GTF2F2: variants seen among roughly 807,000 people sequenced by gnomAD.
GTF2F2 encodes the protein ATP-dependent helicase GTF2F2.
In GTF2F2, 23 loss-of-function variants were observed where a neutral mutation model predicts 42.2. The observed-to-expected ratio is 0.55, with a 90% CI of 0.39 to 0.77. The LOEUF (loss-of-function observed/expected upper bound fraction) is 0.77, where lower values mean the gene tolerates loss of function less well. Among genes scored for constraint, GTF2F2 ranks in the 30% least tolerant of loss-of-function variants. The pLI, the probability that GTF2F2 is intolerant of heterozygous loss-of-function variation, is 0.00. For synonymous variants in GTF2F2, 105 were observed against 100.8 expected, an observed-to-expected ratio of 1.04 and a Z score of -0.25; for missense variants, 261 against 287.2, an observed-to-expected ratio of 0.91 and a Z score of 0.66.
At chr13:45,250,747 C>T (rs1421702227) in intron 5 of GTF2F2, among the ~76,000 whole-genome samples, 1 of 152,168 alleles carries the variant, frequency 6.6e-6, no homozygotes, top group African/African-American at 2.4e-5. Flanking sequence ...GGAACTTGTG[C>T]TGCACCCCGA....
At chr13:45,127,836 T>C (rs1464430459) in intron 1 of GTF2F2, among the ~76,000 whole-genome samples, 2 of 150,518 alleles carry the variant, frequency 1.3e-5, no homozygotes, top group African/African-American at 2.5e-5. Flanking sequence ...TTTCGCCATG[T>C]TGGCCAGGGT....
intron 2 of GTF2F2, among the ~76,000 whole-genome samples, chr13:45,137,600 C>T (rs965620944): frequency 1.3e-5 from 2 of 152,204 alleles, no homozygotes; most frequent in Admixed American, 6.5e-5. Context: ...GTTGAGTTGA[C>T]ATTAGCAGGG....
chr13:45,180,210 C>G (rs1872082988), intron 4 of GTF2F2, among the ~76,000 whole-genome samples: 1 of 152,050 alleles, frequency 6.6e-6, no homozygotes, highest in Non-Finnish European at 1.5e-5. Flanking sequence ...TTTGTACTTT[C>G]TTCTTGGCTT....
intron 5 of GTF2F2, among the ~76,000 whole-genome samples, chr13:45,232,503 C>T (rs1366030306): frequency 6.6e-6 from 1 of 152,050 alleles, no homozygotes; most frequent in East Asian, 1.9e-4. Context: ...AGTGTGGTGG[C>T]ATGTACCTAT....
intron 2 of GTF2F2, among the ~76,000 whole-genome samples, chr13:45,142,574 G>T (rs964504675): frequency 6.6e-6 from 1 of 152,128 alleles, no homozygotes; most frequent in Non-Finnish European, 1.5e-5. Context: ...TAGGCAACAG[G>T]TCTAGCAGAT....
chr13:45,160,024 T>A (rs886834431), intron 4 of GTF2F2, among the ~76,000 whole-genome samples: 2 of 152,252 alleles, frequency 1.3e-5, no homozygotes, highest in Admixed American at 6.5e-5. Flanking sequence ...TGGGACTTTC[T>A]GAGGCTTTAT....
chr13:45,247,352 T>A (rs992858782), intron 5 of GTF2F2, among the ~76,000 whole-genome samples: 3 of 151,198 alleles, frequency 2.0e-5, no homozygotes, highest in Admixed American at 1.3e-4. Context: ...AAATTAAGCT[T>A]CCTGAATATA....
At chr13:45,171,656 C>A (rs1282175219) in intron 4 of GTF2F2, among the ~76,000 whole-genome samples, 3 of 152,034 alleles carry the variant, frequency 2.0e-5, no homozygotes, top group Non-Finnish European at 4.4e-5. Context: ...TACAATTCAC[C>A]CATTTAAAGT....
At chr13:45,136,517 A>G (rs1869630300) in intron 1 of GTF2F2, among the ~76,000 whole-genome samples, 2 of 152,212 alleles carry the variant, frequency 1.3e-5, no homozygotes, top group African/African-American at 4.8e-5. Flanking sequence ...TATTTGACCT[A>G]TGTTAGTTTT....
At chr13:45,164,602 T>C (rs2038086121) in intron 4 of GTF2F2, among the ~76,000 whole-genome samples, 3 of 152,146 alleles carry the variant, frequency 2.0e-5, no homozygotes, top group Admixed American at 2.0e-4. Flanking sequence ...CATGCACCTG[T>C]AGTCTCAGCT....
chr13:45,251,427 T>A (rs1248239635), intron 5 of GTF2F2, among the ~76,000 whole-genome samples: 2 of 152,178 alleles, frequency 1.3e-5, no homozygotes, highest in African/African-American at 4.8e-5. Context: ...GGTTTTCAAA[T>A]GAACCATCCA....
intron 4 of GTF2F2, among the ~76,000 whole-genome samples, chr13:45,162,720 C>T (rs186037928): frequency 3.3e-5 from 5 of 152,118 alleles, no homozygotes; most frequent in African/African-American, 4.8e-5. Flanking sequence ...TAAAAGAAAC[C>T]GCAGTGTAGG....
chr13:45,203,372 A>G (rs947451827), intron 4 of GTF2F2, among the ~76,000 whole-genome samples: 1 of 151,880 alleles, frequency 6.6e-6, no homozygotes, highest in African/African-American at 2.4e-5. Flanking sequence ...GGCGTGAGCC[A>G]CTGCACCTGG....
chr13:45,132,488 G>C (rs1869413167), intron 1 of GTF2F2, among the ~76,000 whole-genome samples: 1 of 151,584 alleles, frequency 6.6e-6, no homozygotes, highest in Non-Finnish European at 1.5e-5. Context: ...CAATATGGCA[G>C]ATTTCTAAAT....
At chr13:45,174,634 C>CTTTTCTT (rs1456234732) in intron 4 of GTF2F2, among the ~76,000 whole-genome samples, 92 of 81,460 alleles carry the variant, frequency 1.1e-3, no homozygotes, top group African/African-American at 4.1e-3. Context: ...TTTCTTTTTT[C>CTTTTCTT]TTTTTTTTTT....
intron 5 of GTF2F2, among the ~76,000 whole-genome samples, chr13:45,211,737 G>A (rs1168181272): frequency 1.3e-5 from 2 of 151,904 alleles, no homozygotes; most frequent in East Asian, 3.9e-4. Context: ...CCAGGCATGT[G>A]CCACCATTCC....
At chr13:45,203,355 G>A (rs1300302041) in intron 4 of GTF2F2, among the ~76,000 whole-genome samples, 2 of 151,968 alleles carry the variant, frequency 1.3e-5, no homozygotes, top group Admixed American at 1.3e-4. Context: ...AAAGTTCTGG[G>A]ATTACAGGCG....
At chr13:45,274,409 G>A (rs1025184636) in intron 7 of GTF2F2, among the ~76,000 whole-genome samples, 3 of 137,228 alleles carry the variant, frequency 2.2e-5, no homozygotes, top group African/African-American at 8.6e-5. Context: ...TCACTGCAAC[G>A]TCCGCCTCCC....
intron 7 of GTF2F2, among the ~76,000 whole-genome samples, chr13:45,273,655 A>ATTTTTTTTTTTTTTTTTTTTTTTT (rs773254844): frequency 8.1e-6 from 1 of 123,864 alleles, no homozygotes; most frequent in African/African-American, 3.5e-5. Flanking sequence ...GAGTGGTAAA[A>ATTTTTTTTTTTTTTTTTTTTTTTT]TTTTTTTTTT....
Sources: gnomAD v4.1 joint callset for allele counts (sites outside exome capture counted in the v4.1 genomes callset) on GRCh38, gnomAD v4.1.1 for gene constraint, MANE v1.5 for transcripts, NCBI Gene and HGNC (gene_info 2026-07-23, HGNC 2026-07-21) for gene names.